Variants in TMEM108 observed in about 807,000 individuals in gnomAD.
The protein encoded by TMEM108 is transmembrane protein 108.
Under a neutral mutation model 35.1 loss-of-function variants are expected in TMEM108, and 12 were observed. The ratio of observed to expected loss-of-function variants is 0.34; its 90% CI spans 0.22 to 0.55. The LOEUF is 0.55. Ranked by LOEUF, TMEM108 falls within the 20% of genes least tolerant of loss-of-function variation. The pLI, the probability that TMEM108 is intolerant of heterozygous loss-of-function variation, is 0.89. For missense variants in TMEM108, 680 were observed against 753.3 expected, an observed-to-expected ratio of 0.90 and a Z score of 1.14; for synonymous variants, 287 against 308.6, an observed-to-expected ratio of 0.93 and a Z score of 0.73.
intron 2 of TMEM108, among the ~76,000 whole-genome samples, chr3:133,168,716 T>C (rs1945081699): frequency 6.6e-6 from 1 of 152,186 alleles, no homozygotes; most frequent in Admixed American, 6.5e-5. Flanking sequence ...GGCAACCCAC[T>C]CAGGTCCCCT....
intron 1 of TMEM108, among the ~76,000 whole-genome samples, chr3:133,043,562 C>T (rs1943300362): frequency 6.6e-6 from 1 of 152,112 alleles, no homozygotes; most frequent in Non-Finnish European, 1.5e-5. Flanking sequence ...TTTACCAAAA[C>T]ACTTTCAAAT....
chr3:133,134,601 A>T (rs534351684), intron 2 of TMEM108, among the ~76,000 whole-genome samples: 21 of 151,272 alleles, frequency 1.4e-4, no homozygotes, highest in African/African-American at 3.6e-4. Context: ...TTTTTAAATT[A>T]TTATTATTTT....
intron 2 of TMEM108, among the ~76,000 whole-genome samples, chr3:133,161,315 G>C (rs977668537): frequency 1.3e-5 from 2 of 152,116 alleles, no homozygotes; most frequent in Admixed American, 6.5e-5. Context: ...ACATCCTCGA[G>C]GGGCATTCTT....
At chr3:133,231,206 CAT>C (rs1315168440) in intron 3 of TMEM108, among the ~76,000 whole-genome samples, 1 of 151,910 alleles carries the variant, frequency 6.6e-6, no homozygotes, top group Non-Finnish European at 1.5e-5. Context: ...TTATATAACT[CAT>C]ATATTTTATA....
At chr3:133,186,460 G>C (rs1010575073) in intron 2 of TMEM108, among the ~76,000 whole-genome samples, 2 of 152,152 alleles carry the variant, frequency 1.3e-5, no homozygotes, top group Non-Finnish European at 2.9e-5. Flanking sequence ...ATGTAAACTG[G>C]TTTTAAAAGG....
chr3:133,168,493 C>G (rs146368088), intron 2 of TMEM108, among the ~76,000 whole-genome samples: 4 of 151,962 alleles, frequency 2.6e-5, no homozygotes, highest in Admixed American at 6.6e-5. Flanking sequence ...GCTTCTGGGT[C>G]GGGTGGGAAC....
At chr3:133,065,273 T>G (rs1358897357) in intron 2 of TMEM108, among the ~76,000 whole-genome samples, 1 of 149,364 alleles carries the variant, frequency 6.7e-6, no homozygotes, top group Non-Finnish European at 1.5e-5. Context: ...AATAAACACT[T>G]ACATAGGTAG....
chr3:133,224,521 A>T (rs533919076), intron 2 of TMEM108, among the ~76,000 whole-genome samples: 1 of 152,156 alleles, frequency 6.6e-6, no homozygotes, highest in Admixed American at 6.5e-5. Flanking sequence ...TCAGTGGAAG[A>T]TAATTGAATC....
At chr3:133,186,637 G>T (rs563749544) in intron 2 of TMEM108, among the ~76,000 whole-genome samples, 2 of 152,260 alleles carry the variant, frequency 1.3e-5, no homozygotes, top group Admixed American at 1.3e-4. Context: ...CCATTGATTT[G>T]TGTCATTGTC....
chr3:133,276,354 A>G (rs764386969), intron 3 of TMEM108, among the ~76,000 whole-genome samples: 5 of 152,192 alleles, frequency 3.3e-5, no homozygotes, highest in Non-Finnish European at 7.3e-5. Context: ...GCTCAGAAAG[A>G]CCATATAAAG....
At chr3:133,052,287 A>G (rs1388347412) in intron 2 of TMEM108, among the ~76,000 whole-genome samples, 1 of 151,888 alleles carries the variant, frequency 6.6e-6, no homozygotes, top group Non-Finnish European at 1.5e-5. Context: ...TCATTTGTTT[A>G]TTGCTGATAT....
chr3:133,233,150 A>G lies in TMEM108; in HGVS notation c.40+3799A>G, dbSNP rs182298750. 2.7e-3 allele frequency among the ~76,000 whole-genome samples: 407 copies of G among 151,992 alleles called. 2 individuals carry two copies. The highest frequency in any genetic ancestry group is 9.3e-3 in the African/African-American group (387 of 41,446). ...GGTGTGCTGCACCCATTAACTCGTC[A>G]TTTAGCATTAGGTATATCTCCTAAA... On this transcript the variant is annotated intron_variant, in intron 3 of 5. Coordinates refer to ENST00000321871, the MANE Select transcript of TMEM108 (RefSeq NM_023943.4).
chr3:133,057,435 G>A (rs13067416), intron 2 of TMEM108, among the ~76,000 whole-genome samples: 983 of 45,252 alleles, frequency 0.022, 24 homozygotes, highest in African/African-American at 0.066. Context: ...GTGTGTGTGT[G>A]TATATATATA....
chr3:133,127,304 C>CTCA (rs1165263288), intron 2 of TMEM108, among the ~76,000 whole-genome samples: 1 of 152,184 alleles, frequency 6.6e-6, no homozygotes, highest in South Asian at 2.1e-4. Flanking sequence ...ACATTAGCCA[C>CTCA]GTTTTAAGCA....
At chr3:133,171,680 ACT>A (rs1945132876) in intron 2 of TMEM108, among the ~76,000 whole-genome samples, 1 of 152,144 alleles carries the variant, frequency 6.6e-6, no homozygotes. Context: ...TTTATTAGAG[ACT>A]CTTCTATAAA....
At chr3:133,039,468 C>A (rs1559813016) in intron 1 of TMEM108, among the ~76,000 whole-genome samples, 1 of 152,090 alleles carries the variant, frequency 6.6e-6, no homozygotes, top group African/African-American at 2.4e-5. Flanking sequence ...GTATGGGAGT[C>A]CGGGGGAGAT....
chr3:133,181,038 A>AAAAAC (rs869218859), intron 2 of TMEM108, among the ~76,000 whole-genome samples: 5 of 126,512 alleles, frequency 4.0e-5, no homozygotes, highest in African/African-American at 1.4e-4. Flanking sequence ...AAAAAAAAAA[A>AAAAAC]CAGCACTCCC....
intron 5 of TMEM108, among the ~76,000 whole-genome samples, 196 bp from the exon 6 acceptor site, chr3:133,395,668 C>T (rs2073294791): frequency 1.3e-5 from 2 of 151,588 alleles, no homozygotes; most frequent in East Asian, 1.9e-4. Context: ...AAAATATACA[C>T]ATACACACAC....
intron 3 of TMEM108, among the ~76,000 whole-genome samples, chr3:133,258,295 A>G (rs1181564032): frequency 6.6e-6 from 1 of 152,168 alleles, no homozygotes. Context: ...TTCCAAAACT[A>G]TGAGAAGTAA....
Sources: gnomAD v4.1 joint callset for allele counts (sites outside exome capture counted in the v4.1 genomes callset) on GRCh38, gnomAD v4.1.1 for gene constraint, MANE v1.5 for transcripts, NCBI Gene and HGNC (gene_info 2026-07-23, HGNC 2026-07-21) for gene names.